GLRA3: variants seen among roughly 807,000 people sequenced by gnomAD.
GLRA3 encodes glycine receptor alpha 3, also known as glycine receptor subunit alpha-3.
A neutral mutation model predicts 60.4 loss-of-function variants in GLRA3; 44 were observed. The observed-to-expected ratio is 0.73, with a 90% confidence interval of 0.57 to 0.94. GLRA3 has a LOEUF of 0.94. Ranked by LOEUF, GLRA3 falls within the 40% of genes least tolerant of loss-of-function variation. The probability of loss-of-function intolerance (pLI) is 0.00; values close to 1 mark genes in which losing one functional copy is unlikely to be tolerated. For synonymous variants in GLRA3, 223 were observed against 192.9 expected, an observed-to-expected ratio of 1.16 and a Z score of -1.29; for missense variants, 508 against 564.6, an observed-to-expected ratio of 0.90 and a Z score of 1.02.
At chr4:174,723,531 A>C (rs187235145) in intron 4 of GLRA3, among the ~76,000 whole-genome samples, 11 of 152,220 alleles carry the variant, frequency 7.2e-5, no homozygotes, top group Admixed American at 5.2e-4. Context: ...GATATGTTAC[A>C]TACAAACACA....
chr4:174,734,581 G>GA (rs1281521374), intron 3 of GLRA3, among the ~76,000 whole-genome samples: 4 of 151,734 alleles, frequency 2.6e-5, no homozygotes, highest in Admixed American at 6.6e-5. Flanking sequence ...TATTCTCCTA[G>GA]AAAAAAGAAG....
chr4:174,716,154 T>G (rs148687461), intron 4 of GLRA3, among the ~76,000 whole-genome samples: 233 of 152,196 alleles, frequency 1.5e-3, no homozygotes, highest in Middle Eastern at 0.01. Flanking sequence ...CATTCAGCAG[T>G]GTATTTAGTA....
At chr4:174,723,601 C>T (rs1425279964) in intron 4 of GLRA3, among the ~76,000 whole-genome samples, 1 of 151,930 alleles carries the variant, frequency 6.6e-6, no homozygotes, top group African/African-American at 2.4e-5. Context: ...TCCATGCTAC[C>T]TGGTGATATA....
intron 1 of GLRA3, among the ~76,000 whole-genome samples, chr4:174,819,517 C>A (rs770425370): frequency 1.3e-5 from 2 of 152,152 alleles, no homozygotes; most frequent in African/African-American, 4.8e-5. Context: ...AATTCTATCA[C>A]CTGCTCAAGA....
intron 2 of GLRA3, among the ~76,000 whole-genome samples, chr4:174,767,862 G>A (rs1309598328): frequency 6.6e-6 from 1 of 152,078 alleles, no homozygotes; most frequent in African/African-American, 2.4e-5. Flanking sequence ...AGATTGCAAG[G>A]ATATGTTAGA....
chr4:174,821,424 GACC>G (rs1415724943), intron 1 of GLRA3, among the ~76,000 whole-genome samples: 7 of 152,160 alleles, frequency 4.6e-5, no homozygotes, highest in Middle Eastern at 3.4e-3. Flanking sequence ...TAAATTATAT[GACC>G]CTAGTCAAAG....
At chr4:174,682,460 TAC>T (rs769384630) in intron 6 of GLRA3, among the ~76,000 whole-genome samples, 44 of 152,188 alleles carry the variant, frequency 2.9e-4, no homozygotes, top group Non-Finnish European at 4.7e-4. Context: ...TCTTAACAGA[TAC>T]AGTGTTTACT....
chr4:174,777,862 A>G (rs1738666273), intron 2 of GLRA3, among the ~76,000 whole-genome samples: 1 of 152,174 alleles, frequency 6.6e-6, no homozygotes, highest in Non-Finnish European at 1.5e-5. Context: ...GCTCTTTAAA[A>G]CAAGTCTATT....
intron 7 of GLRA3, among the ~76,000 whole-genome samples, chr4:174,674,942 A>G (rs1417203881): frequency 1.3e-5 from 2 of 151,980 alleles, no homozygotes; most frequent in Admixed American, 1.3e-4. Flanking sequence ...GAGATTTTCT[A>G]CTCTTTTGAA....
intron 9 of GLRA3, among the ~76,000 whole-genome samples, chr4:174,647,122 G>A (rs1009904347): frequency 1.3e-5 from 2 of 152,110 alleles, no homozygotes; most frequent in South Asian, 2.1e-4. Flanking sequence ...TAATAATTTC[G>A]GGGGCTGGGG....
intron 4 of GLRA3, among the ~76,000 whole-genome samples, chr4:174,725,846 ATGGTTCTTTGTATGATTTC>A (rs1447543041): frequency 5.3e-5 from 8 of 152,090 alleles, no homozygotes; most frequent in African/African-American, 1.9e-4. Context: ...TTGAACATTT[ATGGTTCTTTGTATGATTTC>A]TGGTTCTTTG....
At chr4:174,672,378 C>T (rs1733940291) in intron 7 of GLRA3, among the ~76,000 whole-genome samples, 1 of 152,138 alleles carries the variant, frequency 6.6e-6, no homozygotes, top group African/African-American at 2.4e-5. Flanking sequence ...TTACAATTCC[C>T]TTTTTCTTTC....
At chr4:174,781,761 C>T (rs1738883611) in intron 2 of GLRA3, among the ~76,000 whole-genome samples, 1 of 151,704 alleles carries the variant, frequency 6.6e-6, no homozygotes, top group African/African-American at 2.4e-5. Flanking sequence ...CAAGACTAAA[C>T]CAGGAAGAAG....
intron 3 of GLRA3, among the ~76,000 whole-genome samples, chr4:174,755,959 A>C (rs1223806095): frequency 6.6e-6 from 1 of 152,184 alleles, no homozygotes; most frequent in Admixed American, 6.5e-5. Context: ...AACATTACAA[A>C]GACTTCTCAT....
At chr4:174,685,107 A>T (rs1267337169) in intron 5 of GLRA3, among the ~76,000 whole-genome samples, 1 of 152,188 alleles carries the variant, frequency 6.6e-6, no homozygotes, top group African/African-American at 2.4e-5. Context: ...TCTCCTGGAA[A>T]CAAGCTTGTA....
chr4:174,664,268 C>T (rs1425057379), intron 7 of GLRA3, among the ~76,000 whole-genome samples: 4 of 152,138 alleles, frequency 2.6e-5, no homozygotes, highest in Admixed American at 2.0e-4. Flanking sequence ...CTTCTGTGCT[C>T]ATGATCCCCA....
chr4:174,668,645 T>C (rs1458978403), intron 7 of GLRA3, among the ~76,000 whole-genome samples: 2 of 152,140 alleles, frequency 1.3e-5, no homozygotes, highest in Non-Finnish European at 2.9e-5. Flanking sequence ...GAAATTTAAA[T>C]GTATTTATAA....
At chr4:174,819,450 G>A (rs145542673) in intron 1 of GLRA3, among the ~76,000 whole-genome samples, 1 of 152,202 alleles carries the variant, frequency 6.6e-6, no homozygotes, top group Non-Finnish European at 1.5e-5. Context: ...TGGAAACTGT[G>A]GCCTGTGCCA....
intron 5 of GLRA3, among the ~76,000 whole-genome samples, chr4:174,710,883 C>CTT (rs557915243): frequency 6.6e-6 from 1 of 151,794 alleles, no homozygotes; most frequent in Non-Finnish European, 1.5e-5. Flanking sequence ...TTTGGACACT[C>CTT]TATTGTGTCT....
Sources: gnomAD v4.1 joint callset for allele counts (sites outside exome capture counted in the v4.1 genomes callset) on GRCh38, gnomAD v4.1.1 for gene constraint, MANE v1.5 for transcripts, NCBI Gene and HGNC (gene_info 2026-07-23, HGNC 2026-07-21) for gene names.